PALMD: variants seen among roughly 807,000 people sequenced by gnomAD.
PALMD encodes the protein palmdelphin.
A neutral mutation model predicts 56.2 loss-of-function variants in PALMD; 42 were observed. The observed-to-expected ratio is 0.75, with a 90% CI of 0.58 to 0.97. The LOEUF (loss-of-function observed/expected upper bound fraction) is 0.97. Ranked by LOEUF, PALMD falls within the 50% of genes least tolerant of loss-of-function variation. The probability of loss-of-function intolerance (pLI) is 0.00; values close to 1 mark genes in which losing one functional copy is unlikely to be tolerated. For synonymous variants in PALMD, 242 were observed against 222.9 expected (o/e 1.09, Z -0.76); for missense variants, 660 against 643.8 (o/e 1.03, Z -0.27).
In PALMD at chr1:99,671,737, G is replaced by T. The variant is rs555775933; in HGVS notation, c.251+3971G>T. On this transcript the variant is annotated intron_variant, in intron 3 of 7. Coordinates refer to ENST00000263174, the MANE Select transcript of PALMD (RefSeq NM_017734.5). Reference sequence around the variant, plus strand: ...TTAATTTTTGTGGAACATTTGCTGTGGACCAGGCATTGTGCTAAACATTTC... The same window carrying T: ...TTAATTTTTGTGGAACATTTGCTGTTGACCAGGCATTGTGCTAAACATTTC... Among the ~76,000 whole-genome samples the T allele has an allele frequency of 5.3e-5, 8 of 152,016 alleles. No individual in the cohort carries two copies. In the South Asian group the frequency reaches 1.5e-3, roughly 28 times the overall value.
At chr1:99,692,499 C>T (rs1212863587) in intron 7 of PALMD, among the ~76,000 whole-genome samples, 1 of 152,128 alleles carries the variant, frequency 6.6e-6, no homozygotes, top group Non-Finnish European at 1.5e-5. Context: ...CTATTGCCAA[C>T]ATGCTCTGGC....
chr1:99,667,983 A>G (rs1653005121), intron 3 of PALMD: 1 of 453,202 alleles, frequency 2.2e-6, no homozygotes, highest in South Asian at 3.0e-5. Flanking sequence ...GGCTCAAGCA[A>G]TTCTCCAGCC....
At chr1:99,654,478 T>C (rs1404120284) in intron 1 of PALMD, among the ~76,000 whole-genome samples, 1 of 152,128 alleles carries the variant, frequency 6.6e-6, no homozygotes, top group Non-Finnish European at 1.5e-5. Context: ...AGTGACATAC[T>C]ATATGTGATG....
At chr1:99,671,915 A>G (rs2100864685) in intron 3 of PALMD, among the ~76,000 whole-genome samples, 1 of 152,322 alleles carries the variant, frequency 6.6e-6, no homozygotes, top group African/African-American at 2.4e-5. Flanking sequence ...AAAAGTCCTA[A>G]TCATAAAAAT....
chr1:99,651,535 C>G (rs1230544191), intron 1 of PALMD, among the ~76,000 whole-genome samples: 1 of 152,188 alleles, frequency 6.6e-6, no homozygotes, highest in Non-Finnish European at 1.5e-5. Context: ...CAGTTCAATT[C>G]TAAAACTGCA....
At chr1:99,676,648 C>G (rs1023320315) in intron 3 of PALMD, among the ~76,000 whole-genome samples, 1 of 152,078 alleles carries the variant, frequency 6.6e-6, no homozygotes, top group African/African-American at 2.4e-5. Flanking sequence ...TGGTATTTGT[C>G]TGTTTCTGAG....
intron 3 of PALMD, among the ~76,000 whole-genome samples, chr1:99,677,030 G>C (rs12063713): frequency 0.037 from 5,576 of 152,112 alleles, 281 homozygotes; most frequent in African/African-American, 0.12. Context: ...TTTTAGATGA[G>C]TTATGATTTA....
At chr1:99,665,093 C>T (rs1394889364) in intron 2 of PALMD, among the ~76,000 whole-genome samples, 3 of 152,010 alleles carry the variant, frequency 2.0e-5, no homozygotes, top group African/African-American at 7.2e-5. Context: ...TACCAGGAAA[C>T]ACAAAATACA....
chr1:99,674,307 C>T (rs986144939), intron 3 of PALMD, among the ~76,000 whole-genome samples: 5 of 151,878 alleles, frequency 3.3e-5, no homozygotes, highest in Non-Finnish European at 5.9e-5. Flanking sequence ...GAGGGTCCTC[C>T]CTCCACTCCA....
At chr1:99,674,191 T>G (rs1352392842) in intron 3 of PALMD, among the ~76,000 whole-genome samples, 1 of 152,180 alleles carries the variant, frequency 6.6e-6, no homozygotes, top group East Asian at 1.9e-4. Flanking sequence ...TCAGCATTCA[T>G]TCTTGCTCAT....
chr1:99,680,446 CT>C (rs1653313451), intron 3 of PALMD, among the ~76,000 whole-genome samples: 1 of 152,128 alleles, frequency 6.6e-6, no homozygotes, highest in African/African-American at 2.4e-5. Context: ...CACATGATGC[CT>C]GCCCACCATC....
At chr1:99,672,669 C>CG (rs1021635901) in intron 3 of PALMD, among the ~76,000 whole-genome samples, 1 of 152,076 alleles carries the variant, frequency 6.6e-6, no homozygotes, top group Non-Finnish European at 1.5e-5. Context: ...GCCAAGCTCC[C>CG]GGCCAGACAC....
At chr1:99,691,667 T>G (rs1349369341) in intron 7 of PALMD, among the ~76,000 whole-genome samples, 2 of 152,080 alleles carry the variant, frequency 1.3e-5, no homozygotes, top group Admixed American at 6.6e-5. Flanking sequence ...AAAGAATACA[T>G]AACCACCTAC....
chr1:99,689,134 A>C lies in PALMD; in HGVS notation c.874A>C (p.Asn292His), dbSNP rs1329229476. Residue 292 changes from asparagine to histidine, a missense_variant, in exon 7 of 8, where the codon AAT (asparagine) becomes CAT (histidine). Coordinates refer to ENST00000263174, the MANE Select transcript of PALMD (RefSeq NM_017734.5). Reference protein sequence around the residue: ...NFQERIKIKTNGLGIGVNESI... With the variant: ...NFQERIKIKTHGLGIGVNESI... Reference sequence around the variant, plus strand: ...TCAAGAAAGGATAAAGATTAAAACTAATGGACTGGGTATTGGTGTAAATGA... The same window carrying C: ...TCAAGAAAGGATAAAGATTAAAACTCATGGACTGGGTATTGGTGTAAATGA... 6.2e-7 allele frequency: 1 copy of C among 1,613,722 alleles called. No individual in the cohort carries two copies.
chr1:99,674,510 C>T lies in PALMD; in HGVS notation c.251+6744C>T, dbSNP rs969870089. Among the ~76,000 whole-genome samples the T allele has an allele frequency of 3.3e-5, 5 of 151,938 alleles. 1 individual carries two copies. The highest frequency in any genetic ancestry group is 3.3e-4 in the Admixed American group (5 of 15,256). On this transcript the variant is annotated intron_variant, in intron 3 of 7. Transcript: ENST00000263174. ...TCCAGACCCTTCCCACCAGACCTCA[C>T]ACTGCTTATTCTTGATTCATTCCAT...
At chr1:99,650,182 C>A (rs1419091174) in intron 1 of PALMD, among the ~76,000 whole-genome samples, 3 of 150,728 alleles carry the variant, frequency 2.0e-5, no homozygotes, top group Non-Finnish European at 4.4e-5. Context: ...CAAGTACAAG[C>A]ACCTGCCTAG....
rs1653507434 is a variant in PALMD, at chr1:99,686,763, T to C, written c.339T>C (p.Ile113=). ...CCATTTTAAAGAAACTAAAGTCAAT[T>C]GAGCGGACAACAGAAGACATTATAA... The part of the protein sequence containing the change: ...EEAILKKLKS[I]ERTTEDIIRS... The change falls in exon 4 of 8, where the codon ATT becomes ATC. Residue 113 remains isoleucine (I), a synonymous_variant. Transcript: ENST00000263174. 1.3e-6 allele frequency: 2 copies of C among 1,598,482 alleles called. No homozygotes were observed. Among genetic ancestry groups the C allele is most frequent in the Admixed American group, 1.7e-5 (1 of 59,616 alleles).
intron 7 of PALMD, among the ~76,000 whole-genome samples, chr1:99,693,573 C>T (rs906971907): frequency 6.6e-6 from 1 of 152,118 alleles, no homozygotes; most frequent in Non-Finnish European, 1.5e-5. Context: ...TATCCAAAGG[C>T]CAGAGCTCCT....
chr1:99,679,278 T>G (rs1416315826), intron 3 of PALMD, among the ~76,000 whole-genome samples: 1 of 152,198 alleles, frequency 6.6e-6, no homozygotes, highest in Non-Finnish European at 1.5e-5. Flanking sequence ...TACAATCAAA[T>G]TGCATTAGCC....
Sources: gnomAD v4.1 joint callset for allele counts (sites outside exome capture counted in the v4.1 genomes callset) on GRCh38, gnomAD v4.1.1 for gene constraint, MANE v1.5 for transcripts, NCBI Gene and HGNC (gene_info 2026-07-23, HGNC 2026-07-21) for gene names.